The following ACTL8 variants were observed in gnomAD, a reference collection of about 807,000 sequenced individuals.
The protein encoded by ACTL8 is actin like 8.
In ACTL8, 3 loss-of-function variants were observed where a neutral mutation model predicts 9.3. The observed-to-expected ratio is 0.32, with a 90% confidence interval of 0.15 to 0.83. The LOEUF is 0.83. ACTL8 is among the 40% of genes least tolerant of loss of function. The pLI, the probability that ACTL8 is intolerant of heterozygous loss-of-function variation, is 0.57. For synonymous variants in ACTL8, 224 were observed against 205.9 expected, an observed-to-expected ratio of 1.09 and a Z score of -0.75; for missense variants, 381 against 492.2, an observed-to-expected ratio of 0.77 and a Z score of 2.14.
intron 1 of ACTL8, among the ~76,000 whole-genome samples, chr1:17,778,616 A>G (rs186510108): frequency 6.6e-6 from 1 of 152,316 alleles, no homozygotes; most frequent in African/African-American, 2.4e-5. Flanking sequence ...TTCTAGTCGC[A>G]CAGCTGTACC....
chr1:17,826,484 T>C lies in ACTL8; in HGVS notation c.1066T>C (p.Ser356Pro). Residue 356 changes from serine (S) to proline (P), a missense_variant, in exon 3 of 3, where the codon TCC becomes CCC. Coordinates refer to ENST00000375406, the MANE Select transcript of ACTL8 (RefSeq NM_030812.3). The surrounding 1 kb of genome is among the most constrained non-coding windows in gnomAD (Gnocchi z 4.5). ...TTCTACCTACCAGTCTGAGTGGATG[T>C]CCCGAGAGGAGTATGGTGAGCATAT... ...HLSTYQSEWM[S>P]REEYGEHMRM 1 of 1,602,502 alleles carries C rather than the reference T, an allele frequency of 6.2e-7. No homozygotes were observed. Among genetic ancestry groups the C allele is most frequent in the South Asian group, 1.1e-5 (1 of 89,492 alleles).
intron 1 of ACTL8, among the ~76,000 whole-genome samples, chr1:17,804,836 GA>G (rs1316176921): frequency 6.6e-6 from 1 of 151,732 alleles, no homozygotes; most frequent in African/African-American, 2.4e-5. Context: ...GGCTGGTCTC[GA>G]ACCCCTGACT....
At chr1:17,777,358 G>A (rs1160956385) in intron 1 of ACTL8, among the ~76,000 whole-genome samples, 1 of 152,096 alleles carries the variant, frequency 6.6e-6, no homozygotes, top group African/African-American at 2.4e-5. Flanking sequence ...GTTCTTGGGT[G>A]GCACAGCGCC....
intron 1 of ACTL8, among the ~76,000 whole-genome samples, chr1:17,794,404 T>C (rs2066263120): frequency 6.6e-6 from 1 of 152,220 alleles, no homozygotes; most frequent in Non-Finnish European, 1.5e-5. Flanking sequence ...GACTCATGAT[T>C]GCATTGGCTA....
At chr1:17,765,091 A>G (rs115035414) in intron 1 of ACTL8, among the ~76,000 whole-genome samples, 4,092 of 152,194 alleles carry the variant, frequency 0.027, 182 homozygotes, top group African/African-American at 0.094. Context: ...TTGTGGGGAG[A>G]TGGTACCAAC....
Position 17,823,469 on chromosome 1 carries a change from G to A in ACTL8, c.348+113G>A. 1 of 1,064,866 alleles carries A rather than the reference G, an allele frequency of 9.4e-7. No individual in the cohort carries two copies. The highest frequency in any genetic ancestry group is 1.3e-6 in the Non-Finnish European group (1 of 754,638). 66.0% of individuals were successfully genotyped at this position (1,064,866 alleles called of 1,614,324 possible). A position where few individuals can be genotyped will look rare whatever the true frequency, so the allele number is the denominator to read the frequency against. On this transcript the variant is annotated intron_variant, in intron 2 of 2. Transcript: ENST00000375406. The surrounding 1 kb of genome is among the most constrained non-coding windows in gnomAD (Gnocchi z 5.3). Reference sequence around the variant, plus strand: ...TTTTAAGATAAATTGCCAACCAGGTGTGGTGGCTTATGCCTGTAATCCCAA... The same window carrying A: ...TTTTAAGATAAATTGCCAACCAGGTATGGTGGCTTATGCCTGTAATCCCAA...
At position 17,782,334 on chromosome 1, in the gene ACTL8, C is replaced by A. The variant is rs189482355; in HGVS notation, c.-25+26830C>A. ...TGAGGATTACAAGAGAGAATACGGG[C>A]GAAAGTGCTCTGTGGTTTTAAAAGT... On this transcript the variant is annotated intron_variant, in intron 1 of 2. Coordinates refer to ENST00000375406, the MANE Select transcript of ACTL8 (RefSeq NM_030812.3). Among the ~76,000 whole-genome samples, 91 of 152,078 alleles carry A rather than the reference C, an allele frequency of 6.0e-4. 1 individual carries two copies. Among genetic ancestry groups the A allele is most frequent in the African/African-American group, 2.1e-3 (87 of 41,442 alleles).
chr1:17,807,671 AG>A lies in ACTL8; in HGVS notation c.-24-15313del, dbSNP rs1258272598. On this transcript the variant is annotated intron_variant, in intron 1 of 2. Coordinates refer to ENST00000375406, the MANE Select transcript of ACTL8 (RefSeq NM_030812.3). ...GTGGAATACTATGTAGCCATAAAAA[AG>A]AATGAGTTCATGTCCTTTGCAGGGA... 1.2e-4 allele frequency among the ~76,000 whole-genome samples: 18 copies of A among 152,352 alleles called. No homozygotes were observed. The East Asian group carries it at 3.1e-3, about 26-fold the overall frequency.
intron 1 of ACTL8, among the ~76,000 whole-genome samples, chr1:17,772,283 G>T (rs1164001638): frequency 1.3e-5 from 2 of 152,304 alleles, no homozygotes; most frequent in Non-Finnish European, 2.9e-5. Flanking sequence ...CTTTGGATCG[G>T]GAGTTATGAG....
At chr1:17,802,265 T>C (rs964571584) in intron 1 of ACTL8, among the ~76,000 whole-genome samples, 2 of 152,086 alleles carry the variant, frequency 1.3e-5, no homozygotes. Context: ...GCCTCCACGG[T>C]GTGTGGATTC....
intron 1 of ACTL8, among the ~76,000 whole-genome samples, chr1:17,773,677 T>C (rs1457927007): frequency 6.6e-6 from 1 of 152,212 alleles, no homozygotes. Flanking sequence ...TGCTCTCCCC[T>C]TAGCTGTGTG....
chr1:17,823,461 A>C lies in ACTL8; in HGVS notation c.348+105A>C. 1 of 1,163,580 alleles carries C rather than the reference A, an allele frequency of 8.6e-7. No homozygotes were observed. Among genetic ancestry groups the C allele is most frequent in the South Asian group, 1.6e-5 (1 of 64,120 alleles). 72.1% of individuals were successfully genotyped at this position (1,163,580 alleles called of 1,614,324 possible). On this transcript the variant is annotated intron_variant, in intron 2 of 2. Transcript: ENST00000375406. This position sits in a 1 kb window ranked among gnomAD's most constrained non-coding sequence, Gnocchi z 5.3. ...ATTCTGCTTTTTAAGATAAATTGCC[A>C]ACCAGGTGTGGTGGCTTATGCCTGT...
chr1:17,808,795 G>A (rs1318159067), intron 1 of ACTL8, among the ~76,000 whole-genome samples: 2 of 151,582 alleles, frequency 1.3e-5, no homozygotes, highest in African/African-American at 4.9e-5. Flanking sequence ...GAGGTGTGAT[G>A]GAAGTGAATT....
At chr1:17,755,843 C>T (rs2065964337) in intron 1 of ACTL8, among the ~76,000 whole-genome samples, 1 of 151,896 alleles carries the variant, frequency 6.6e-6, no homozygotes, top group African/African-American at 2.4e-5. Context: ...GTTATCTCAG[C>T]CTGGTGGAGG....
intron 1 of ACTL8, among the ~76,000 whole-genome samples, chr1:17,766,841 T>C (rs1359848666): frequency 6.6e-6 from 1 of 152,152 alleles, no homozygotes; most frequent in Non-Finnish European, 1.5e-5. Flanking sequence ...GGGGTGTTCA[T>C]TTGTTCATTC....
intron 1 of ACTL8, among the ~76,000 whole-genome samples, chr1:17,819,387 A>T (rs1482290875): frequency 6.6e-6 from 1 of 152,154 alleles, no homozygotes; most frequent in East Asian, 1.9e-4. Context: ...GGCTCTCCCC[A>T]GGTCTATGTC....
chr1:17,825,817 G>C lies in ACTL8; in HGVS notation c.399G>C (p.Leu133=), dbSNP rs2053711279. 1 of 1,614,018 alleles carries C rather than the reference G, an allele frequency of 6.2e-7. No individual in the cohort carries two copies. Among genetic ancestry groups the C allele is most frequent in the Non-Finnish European group, 8.5e-7 (1 of 1,180,014 alleles). ...CATCGGTCCTCCTGGCCGACCAGCT[G>C]CAGATGTCCCTGTATGCCTCTGGCC... The part of the protein sequence containing the change: ...HVPSVLLADQ[L]QMSLYASGLL... The change falls in exon 3 of 3, where the codon CTG becomes CTC. Residue 133 remains leucine, a synonymous_variant. Coordinates refer to ENST00000375406, the MANE Select transcript of ACTL8 (RefSeq NM_030812.3).
At position 17,826,443 on chromosome 1, in the gene ACTL8, C is replaced by G. The variant is rs1200885978; in HGVS notation, c.1025C>G (p.Ser342Cys). Residue 342 changes from serine to cysteine, a missense_variant, in exon 3 of 3, where the codon TCC becomes TGC. Ser to Cys is a moderately radical substitution (Grantham distance 112, BLOSUM62 -1). Transcript: ENST00000375406. The surrounding 1 kb of genome is among the most constrained non-coding windows in gnomAD (Gnocchi z 4.5). Reference sequence around the variant, plus strand: ...AACTTTAGTGTCTGGCTAGGAGCGTCCGTGGTGGCTCACCTTTCTACCTAC... The same window carrying G: ...AACTTTAGTGTCTGGCTAGGAGCGTGCGTGGTGGCTCACCTTTCTACCTAC... ...NRNFSVWLGA[S>C]VVAHLSTYQS... The G allele has an allele frequency of 6.2e-7, 1 of 1,613,508 alleles. No homozygotes were observed. Among genetic ancestry groups the G allele is most frequent in the Non-Finnish European group, 8.5e-7 (1 of 1,179,676 alleles).
chr1:17,782,298 G>A (rs151237035), intron 1 of ACTL8, among the ~76,000 whole-genome samples: 195 of 152,264 alleles, frequency 1.3e-3, no homozygotes, highest in African/African-American at 4.5e-3. Flanking sequence ...CATTGCTTTC[G>A]CTTCTGGCAT....
Sources: gnomAD v4.1 joint callset for allele counts (sites outside exome capture counted in the v4.1 genomes callset) on GRCh38, gnomAD v4.1.1 for gene constraint, Gnocchi (gnomAD v3.1) non-coding constraint, MANE v1.5 for transcripts, NCBI Gene and HGNC (gene_info 2026-07-23, HGNC 2026-07-21) for gene names.